Variants in SLC13A1 observed in about 807,000 individuals in gnomAD.
SLC13A1 encodes solute carrier family 13 member 1.
In SLC13A1, 65 loss-of-function variants were observed where a neutral mutation model predicts 70.0. That is an observed-to-expected ratio of 0.93 (90% CI 0.76 to 1.14). The LOEUF is 1.14. Among genes scored for constraint, SLC13A1 ranks in the 50% most tolerant of loss-of-function variants. The pLI is 0.00. For synonymous variants in SLC13A1, 275 were observed against 250.5 expected (o/e 1.10, Z -0.92); for missense variants, 726 against 717.8 (o/e 1.01, Z -0.13).
At chr7:123,134,012 A>G (rs1793861108) in intron 8 of SLC13A1, among the ~76,000 whole-genome samples, 1 of 151,440 alleles carries the variant, frequency 6.6e-6, no homozygotes, top group South Asian at 2.1e-4. Flanking sequence ...TGGTCCTTTT[A>G]GGGGGGAGGT....
At position 123,113,561 on chromosome 7, in the gene SLC13A1, A is replaced by G. The variant is rs1412469661; in HGVS notation, c.*1957T>C. 1 of 152,214 alleles carries G rather than the reference A, an allele frequency of 6.6e-6. No homozygotes were observed. The highest frequency in any genetic ancestry group is 1.9e-4 in the East Asian group (1 of 5,196). 9.4% of individuals were successfully genotyped at this position (152,214 alleles called of 1,614,324 possible). On this transcript the variant is annotated 3_prime_UTR_variant, in exon 15 of 15. Transcript: ENST00000194130. Reference sequence around the variant, plus strand: ...ATTTGAAAAGTCATTTTATTTTTTCATAATAAAAATGCATCCATGATCTGA... The same window carrying G: ...ATTTGAAAAGTCATTTTATTTTTTCGTAATAAAAATGCATCCATGATCTGA...
Position 123,123,157 on chromosome 7 carries a change from C to T in SLC13A1, c.1319G>A (p.Gly440Asp). 1.9e-6 allele frequency: 3 copies of T among 1,613,456 alleles called. No homozygotes were observed. Among genetic ancestry groups the T allele is most frequent in the Non-Finnish European group, 2.5e-6 (3 of 1,179,532 alleles). The change falls in exon 12 of 15, where the codon GGT becomes GAT. Residue 440 changes from glycine to aspartate, a missense_variant. Gly to Asp is a moderately conservative substitution (Grantham distance 94, BLOSUM62 -1). Coordinates refer to ENST00000194130, the MANE Select transcript of SLC13A1 (RefSeq NM_022444.4). ...ACCATCTGCCAGGGCAAACCCTCCA[C>T]CAACAAGAATGGCTATATCCCAGGG... ...FMPWDIAILV[G>D]GGFALADGCE...
At chr7:123,171,626 C>T in intron 3 of SLC13A1, 142 bp downstream of exon 3, 1 of 841,898 alleles carries the variant, frequency 1.2e-6, no homozygotes, top group Non-Finnish European at 1.9e-6. Flanking sequence ...ATATCACTTT[C>T]ATATTTGCAG....
At chr7:123,152,534 A>G (rs949687201) in intron 6 of SLC13A1, among the ~76,000 whole-genome samples, 1 of 152,150 alleles carries the variant, frequency 6.6e-6, no homozygotes, top group Non-Finnish European at 1.5e-5. Context: ...CCATACAGAT[A>G]AACATGCTAT....
chr7:123,138,561 C>G (rs573897123), intron 7 of SLC13A1, among the ~76,000 whole-genome samples: 10 of 152,154 alleles, frequency 6.6e-5, no homozygotes, highest in African/African-American at 1.9e-4. Flanking sequence ...TTCCTTTTCT[C>G]TACATCCCTG....
At chr7:123,129,629 G>A in intron 8 of SLC13A1, 148 bp from the exon 9 acceptor site, 3 of 607,410 alleles carry the variant, frequency 4.9e-6, no homozygotes, top group East Asian at 3.1e-5. Flanking sequence ...ACAGATATCT[G>A]TGCTTTTCAC....
chr7:123,126,359 T>A (rs1793560174), intron 10 of SLC13A1, among the ~76,000 whole-genome samples: 2 of 152,168 alleles, frequency 1.3e-5, no homozygotes, highest in South Asian at 4.2e-4. Flanking sequence ...ACAGATGGGG[T>A]CTTAGAATCA....
intron 7 of SLC13A1, among the ~76,000 whole-genome samples, chr7:123,136,061 T>C (rs1282137411): frequency 6.6e-6 from 1 of 152,204 alleles, no homozygotes; most frequent in African/African-American, 2.4e-5. Context: ...GGATGACCTA[T>C]GTTATTCTGT....
chr7:123,194,923 A>G (rs1796129489), intron 1 of SLC13A1, among the ~76,000 whole-genome samples: 1 of 152,136 alleles, frequency 6.6e-6, no homozygotes, highest in Admixed American at 6.6e-5. Flanking sequence ...TTAGTGGTTT[A>G]TCCACTTTTT....
intron 6 of SLC13A1, among the ~76,000 whole-genome samples, chr7:123,158,151 A>G (rs1383536532): frequency 1.3e-5 from 2 of 152,222 alleles, no homozygotes; most frequent in South Asian, 2.1e-4. Flanking sequence ...AATGAGAACC[A>G]GCAATAAATA....
intron 6 of SLC13A1, among the ~76,000 whole-genome samples, chr7:123,151,439 G>A (rs1382175059): frequency 6.6e-6 from 1 of 151,338 alleles, no homozygotes; most frequent in Non-Finnish European, 1.5e-5. Flanking sequence ...ACTCCAATCT[G>A]AAAATGTTCA....
chr7:123,185,538 T>C lies in SLC13A1; in HGVS notation c.100-4437A>G, dbSNP rs75802386. 5.4e-3 allele frequency among the ~76,000 whole-genome samples: 825 copies of C among 152,192 alleles called. 8 individuals are homozygous for C. Among genetic ancestry groups the C allele is most frequent in the African/African-American group, 0.019 (792 of 41,568 alleles). On this transcript the variant is annotated intron_variant, in intron 1 of 14. Transcript: ENST00000194130. ...CACTAACACCATTTATTGAAGAGAT[T>C]CTCCTTTTCCCATTGTGTGTTCTTG...
chr7:123,178,017 T>TTCTTTCTCTCTCTCTCTCTCTC (rs1554553463), intron 2 of SLC13A1, among the ~76,000 whole-genome samples: 3 of 149,030 alleles, frequency 2.0e-5, no homozygotes, highest in Admixed American at 6.7e-5. Context: ...ATCTCTCTCT[T>TTCTTTCTCTCTCTCTCTCTCTC]TCTCTCTCTC....
At chr7:123,129,342 G>GCC (rs1793674156) in intron 9 of SLC13A1, 41 bp downstream of exon 9, 1 of 823,162 alleles carries the variant, frequency 1.2e-6, no homozygotes, top group East Asian at 2.8e-5. Context: ...GTGTGTGTGT[G>GCC]TGTGTGTGTG....
intron 2 of SLC13A1, among the ~76,000 whole-genome samples, chr7:123,178,033 C>CTCTCTA (rs761704605): frequency 1.1e-4 from 16 of 150,044 alleles, no homozygotes; most frequent in African/African-American, 2.9e-4. Context: ...CTCTCTCTCT[C>CTCTCTA]TATATATATA....
At chr7:123,144,757 T>A (rs937727513) in intron 7 of SLC13A1, among the ~76,000 whole-genome samples, 1 of 152,162 alleles carries the variant, frequency 6.6e-6, no homozygotes, top group African/African-American at 2.4e-5. Flanking sequence ...GGTTGACTCT[T>A]AGGAAGAGTC....
At position 123,125,510 on chromosome 7, in the gene SLC13A1, GAATTTTGT is replaced by G. The variant is rs1563318900; in HGVS notation, c.1240+51_1240+58del. 3 of 1,268,868 alleles carry G rather than the reference GAATTTTGT, an allele frequency of 2.4e-6. No homozygotes were observed. In the Admixed American group the frequency reaches 5.6e-5, roughly 24 times the overall value. The allele number at this position is 1,268,868 out of a possible 1,614,324, so 78.6% of individuals were successfully genotyped here. On this transcript the variant is annotated intron_variant, in intron 11 of 14. Transcript: ENST00000194130. ...CTCTAGGTGCCAAGCGAAACCAATG[GAATTTTGT>G]AATTTTTGCTCTTCTGTTAAATTTA... is the stretch of plus-strand genomic sequence containing the variant.
Position 123,114,148 on chromosome 7 carries a change from A to G in SLC13A1, c.*1370T>C, listed in dbSNP as rs968095984. The G allele has an allele frequency of 1.3e-5, 2 of 148,846 alleles. No individual in the cohort carries two copies. The highest frequency in any genetic ancestry group is 1.3e-4 in the Admixed American group (2 of 14,892). The allele number at this position is 148,846 out of a possible 1,614,324, so 9.2% of individuals were successfully genotyped here. Reference sequence around the variant, plus strand: ...TTGCTTTGTCTTTTGTTGTATTTTTAGCATGAGAATTGCTGTGATATAACA... The same window carrying G: ...TTGCTTTGTCTTTTGTTGTATTTTTGGCATGAGAATTGCTGTGATATAACA... On this transcript the variant is annotated 3_prime_UTR_variant, in exon 15 of 15. Coordinates refer to ENST00000194130, the MANE Select transcript of SLC13A1 (RefSeq NM_022444.4).
Position 123,123,117 on chromosome 7 carries a change from G to C in SLC13A1, c.1350+9C>G. 3.8e-6 allele frequency: 6 copies of C among 1,559,648 alleles called. No individual in the cohort carries two copies. The African/African-American group carries it at 4.1e-5, about 11-fold the overall frequency. On this transcript the variant is annotated intron_variant, in intron 12 of 14. Transcript: ENST00000194130. ...TTAATTGTTAAATATCTTACACACA[G>C]AGTATTACCTCACAACCATCTGCCA...
Sources: allele counts gnomAD v4.1 joint callset (sites outside exome capture counted in the v4.1 genomes callset), GRCh38; gene constraint gnomAD v4.1.1; transcripts MANE v1.5; gene names NCBI Gene and HGNC (gene_info 2026-07-23, HGNC 2026-07-21).